Variants in VPS13B observed in about 807,000 individuals in gnomAD.
VPS13B encodes intermembrane lipid transfer protein VPS13B.
VPS13B carries 285 observed loss-of-function variants against 426.4 expected under a neutral mutation model. The observed-to-expected ratio is 0.67, with a 90% CI of 0.61 to 0.74. The LOEUF (loss-of-function observed/expected upper bound fraction) is 0.74. Ranked by LOEUF, VPS13B falls within the 30% of genes least tolerant of loss-of-function variation. The pLI is 0.00. For synonymous variants in VPS13B, 1,676 were observed against 1,676.4 expected (o/e 1.00, Z 0.01); for missense variants, 4,537 against 4,782.6 (o/e 0.95, Z 1.51).
chr8:99,329,024 A>G (rs1452197708), intron 19 of VPS13B, among the ~76,000 whole-genome samples: 1 of 152,040 alleles, frequency 6.6e-6, no homozygotes, highest in Non-Finnish European at 1.5e-5. Flanking sequence ...TTATTTTTTC[A>G]GTTGAGTGCT....
chr8:99,418,257 A>C (rs1205009381), intron 21 of VPS13B, among the ~76,000 whole-genome samples: 2 of 151,544 alleles, frequency 1.3e-5, no homozygotes, highest in Non-Finnish European at 2.9e-5. Flanking sequence ...GGATAGTTTA[A>C]TTTTCCATCC....
chr8:99,574,936 G>C (rs1370311638), intron 31 of VPS13B, among the ~76,000 whole-genome samples: 1 of 152,162 alleles, frequency 6.6e-6, no homozygotes, highest in Non-Finnish European at 1.5e-5. Context: ...GTCCTAGGCA[G>C]GAGAATTGCT....
intron 5 of VPS13B, among the ~76,000 whole-genome samples, chr8:99,104,523 G>A (rs1846936579): frequency 6.6e-6 from 1 of 151,990 alleles, no homozygotes; most frequent in South Asian, 2.1e-4. Flanking sequence ...AGCACATTTG[G>A]AATTTCTTCC....
rs143608553 is a variant in VPS13B at position 99,353,560 on chromosome 8, A to G, written c.2825-30648A>G. ...ACCTTACATGTAAATTGAAGTGCTT[A>G]TTTGAGGAGATACATTCTTACTAGA... On this transcript the variant is annotated intron_variant, in intron 19 of 61. Transcript: ENST00000357162. 3.6e-4 allele frequency among the ~76,000 whole-genome samples: 55 copies of G among 150,942 alleles called. No homozygotes were observed. In the East Asian group the frequency reaches 0.011, roughly 29 times the overall value.
At chr8:99,121,541 A>G in intron 8 of VPS13B, 96 bp downstream of exon 8, 2 of 1,560,712 alleles carry the variant, frequency 1.3e-6, no homozygotes, top group South Asian at 2.5e-5. Context: ...TTTGCTTTGC[A>G]TTCAGTAGAT....
In VPS13B at chr8:99,780,591, A is replaced by G. The variant is rs943724162; in HGVS notation, c.7779+1560A>G. ...ATTGTATATTTGATTAAGTAGAGCCATATGTCACGTAGCATATTGCTGACA... is the reference window on the plus strand; with the variant it reads ...ATTGTATATTTGATTAAGTAGAGCCGTATGTCACGTAGCATATTGCTGACA... On this transcript the variant is annotated intron_variant, in intron 42 of 61. Coordinates refer to ENST00000357162, the MANE Select transcript of VPS13B (RefSeq NM_152564.5). Among the ~76,000 whole-genome samples, 5 of 152,328 alleles carry G rather than the reference A, an allele frequency of 3.3e-5. No homozygotes were observed. In the South Asian group the frequency reaches 6.2e-4, roughly 19 times the overall value.
rs1206490150 is a variant in VPS13B at position 99,135,066 on chromosome 8, T to G, written c.1354T>G (p.Cys452Gly). Residue 452 changes from cysteine (C) to glycine (G), a missense_variant, in exon 10 of 62, where the codon TGC becomes GGC. Cys to Gly is a radical substitution (Grantham distance 159). Around this residue, in one of 2 missense-constraint regions of VPS13B, gnomAD observed 4,311 missense variants for 4,474.3 expected, o/e 0.96. Coordinates refer to ENST00000357162, the MANE Select transcript of VPS13B (RefSeq NM_152564.5). ...TGATTGCCAGATTGGGTTTGTTGGT[T>G]GCAGAGCCATGTGCCTTAAAGGAAT... ...FFDCQIGFVG[C>G]RAMCLKGIMG... The G allele has an allele frequency of 6.2e-7, 1 of 1,613,652 alleles. No homozygotes were observed.
intron 43 of VPS13B, among the ~76,000 whole-genome samples, chr8:99,789,267 G>A (rs1812426912): frequency 6.6e-6 from 1 of 152,054 alleles, no homozygotes; most frequent in Non-Finnish European, 1.5e-5. Flanking sequence ...TATAATGCAT[G>A]TATACATATA....
In VPS13B at chr8:99,861,943, C is replaced by T. The variant is rs1231454404; in HGVS notation, c.11212C>T (p.Leu3738Phe). The change falls in exon 58 of 62, where the codon CTT becomes TTT. Residue 3738 changes from leucine to phenylalanine, a missense_variant. Transcript: ENST00000357162. ...CCTGTCCCGGCTGGGCATCAGCCTG[C>T]TTGGTAAGGGGCTGCGGGGCCTCCC... The part of the protein sequence containing the change: ...QGLSRLGISL[L>F]GAIAGIVDQP... The T allele has an allele frequency of 6.3e-7, 1 of 1,590,446 alleles. No individual in the cohort carries two copies. The highest frequency in any genetic ancestry group is 8.5e-7 in the Non-Finnish European group (1 of 1,170,234).
chr8:99,305,443 A>G (rs1820586208), intron 19 of VPS13B, among the ~76,000 whole-genome samples: 1 of 152,160 alleles, frequency 6.6e-6, no homozygotes, highest in African/African-American at 2.4e-5. Context: ...TGCAAATGCA[A>G]CACCATTTTT....
At chr8:99,521,112 A>G (rs958828170) in intron 30 of VPS13B, 102 bp downstream of exon 30, 2 of 980,962 alleles carry the variant, frequency 2.0e-6, no homozygotes, top group Non-Finnish European at 3.2e-6. Flanking sequence ...TTTCTCATTC[A>G]GGATCTTTTG....
intron 44 of VPS13B, among the ~76,000 whole-genome samples, chr8:99,813,362 T>C (rs370712032): frequency 6.6e-6 from 1 of 152,178 alleles, no homozygotes; most frequent in East Asian, 1.9e-4. Flanking sequence ...AACAGCCAAA[T>C]TCTCTTCTAA....
intron 5 of VPS13B, among the ~76,000 whole-genome samples, chr8:99,109,384 C>CTTTTTTTTTTTT (rs1218412171): frequency 1.4e-5 from 2 of 140,876 alleles, no homozygotes; most frequent in African/African-American, 2.6e-5. Context: ...CTTTTTCTTT[C>CTTTTTTTTTTTT]TTTCTTTTTT....
At chr8:99,333,511 G>A (rs763068810) in intron 19 of VPS13B, among the ~76,000 whole-genome samples, 1 of 151,676 alleles carries the variant, frequency 6.6e-6, no homozygotes, top group South Asian at 2.1e-4. Context: ...TGCTTTACTG[G>A]TATTCATTTG....
rs77759532 is a variant in VPS13B, at chr8:99,134,718, T to A, written c.1293T>A (p.Thr431=). 1.0e-5 allele frequency: 16 copies of A among 1,606,448 alleles called. No individual in the cohort carries two copies. Among genetic ancestry groups the A allele is most frequent in the African/African-American group, 1.3e-5 (1 of 74,744 alleles). The change falls in exon 9 of 62, where the codon ACT becomes ACA. Residue 431 remains threonine, a synonymous_variant. Coordinates refer to ENST00000357162, the MANE Select transcript of VPS13B (RefSeq NM_152564.5). ...TATTGTGTTGGGAACAAGAAGGAAC[T>A]ACAGTTGAGGTAATCTTTCAATATT... ...KEVLCWEQEG[T]TVEALMMGEP... is the part of the protein sequence containing the mutation.
chr8:99,804,750 G>A (rs1031292961), intron 43 of VPS13B, among the ~76,000 whole-genome samples: 4 of 152,094 alleles, frequency 2.6e-5, no homozygotes, highest in African/African-American at 9.7e-5. Flanking sequence ...CTAGCACTTT[G>A]GGAGGCCAAG....
intron 19 of VPS13B, among the ~76,000 whole-genome samples, chr8:99,370,605 C>CTTTTTT (rs1047111709): frequency 2.2e-4 from 22 of 99,468 alleles, no homozygotes; most frequent in African/African-American, 2.4e-4. Flanking sequence ...GAGTGAAGGG[C>CTTTTTT]TTTTTTTTTT....
intron 3 of VPS13B, among the ~76,000 whole-genome samples, chr8:99,055,582 C>T (rs1843806252): frequency 6.6e-6 from 1 of 152,062 alleles, no homozygotes; most frequent in African/African-American, 2.4e-5. Context: ...TTATAATTTT[C>T]ATTGTGTCTT....
chr8:99,365,516 C>CTTTTTTTTT (rs1554754985), intron 19 of VPS13B, among the ~76,000 whole-genome samples: 1 of 102,414 alleles, frequency 9.8e-6, no homozygotes, highest in Non-Finnish European at 1.8e-5. Context: ...TCTTCTTCTT[C>CTTTTTTTTT]TTTTTTTTTT....
Sources: allele counts gnomAD v4.1 joint callset (sites outside exome capture counted in the v4.1 genomes callset), GRCh38; gene constraint gnomAD v4.1.1; regional missense constraint gnomAD v4.1.1; transcripts MANE v1.5; gene names NCBI Gene and HGNC (gene_info 2026-07-23, HGNC 2026-07-21).